The following KNTC1 variants were observed in gnomAD, a reference collection of about 807,000 sequenced individuals.
KNTC1 encodes kinetochore associated 1.
Under a neutral mutation model 314.4 loss-of-function variants are expected in KNTC1, and 253 were observed. That is an observed-to-expected ratio of 0.80 (90% CI 0.73 to 0.89). The LOEUF (loss-of-function observed/expected upper bound fraction) is 0.89, where lower values mean the gene tolerates loss of function less well. Among genes scored for constraint, KNTC1 ranks in the 40% least tolerant of loss-of-function variants. KNTC1 has a pLI of 0.00. For synonymous variants in KNTC1, 901 were observed against 901.4 expected, an observed-to-expected ratio of 1.00 and a Z score of 0.01; for missense variants, 2,475 against 2,572.9, an observed-to-expected ratio of 0.96 and a Z score of 0.82.
intron 45 of KNTC1, among the ~76,000 whole-genome samples, chr12:122,602,139 CTTA>C (rs1239646136): frequency 2.6e-5 from 4 of 151,408 alleles, no homozygotes; most frequent in Admixed American, 6.6e-5. Context: ...GTTAATAAGA[CTTA>C]TTATATAAGA....
chr12:122,602,138 A>C (rs962899400), intron 45 of KNTC1, among the ~76,000 whole-genome samples: 1 of 151,828 alleles, frequency 6.6e-6, no homozygotes, highest in Non-Finnish European at 1.5e-5. Flanking sequence ...TGTTAATAAG[A>C]CTTATTATAT....
rs1869582339 is a variant in KNTC1, at chr12:122,587,794, C to G, written c.3814C>G (p.Leu1272Val). Residue 1272 changes from leucine (L) to valine (V), a missense_variant, in exon 39 of 64, where the codon CTA becomes GTA. Coordinates refer to ENST00000333479, the MANE Select transcript of KNTC1 (RefSeq NM_014708.6). ...LQESSQWELA[L>V]RFVVGSFGTC... is the part of the protein sequence containing the mutation. ...GGAATCTAGCCAGTGGGAGCTAGCC[C>G]TAAGATTTGTGGTTGGTTCATTTGG... is the stretch of plus-strand genomic sequence containing the variant. 2 of 1,613,680 alleles carry G rather than the reference C, an allele frequency of 1.2e-6. No individual in the cohort carries two copies. The highest frequency in any genetic ancestry group is 1.7e-6 in the Non-Finnish European group (2 of 1,179,768).
At chr12:122,554,342 A>G (rs1593527352) in intron 16 of KNTC1, among the ~76,000 whole-genome samples, 2 of 152,030 alleles carry the variant, frequency 1.3e-5, no homozygotes, top group East Asian at 3.9e-4. Flanking sequence ...TCAGCCTCCC[A>G]AAGTGATGGG....
chr12:122,595,538 G>A (rs1870916309), intron 43 of KNTC1, among the ~76,000 whole-genome samples: 4 of 152,146 alleles, frequency 2.6e-5, no homozygotes, highest in Non-Finnish European at 5.9e-5. Flanking sequence ...CACTGGGCAG[G>A]CATCTAGTTC....
At chr12:122,607,382 G>A (rs1872677806) in intron 51 of KNTC1, among the ~76,000 whole-genome samples, 1 of 152,098 alleles carries the variant, frequency 6.6e-6, no homozygotes, top group African/African-American at 2.4e-5. Flanking sequence ...GTTTTAATCT[G>A]TAACAGTTCT....
intron 18 of KNTC1, among the ~76,000 whole-genome samples, chr12:122,560,974 C>T (rs548755001): frequency 8.5e-5 from 13 of 152,170 alleles, no homozygotes; most frequent in South Asian, 2.1e-4. Flanking sequence ...GTTTTGATAC[C>T]GTTTGTATAT....
rs560127261 is a variant in KNTC1 at position 122,596,518 on chromosome 12, A to AT, written c.4356-1205dup. ...AGGCGTGAATCACGTGCCCAGCCTG[A>AT]TTTTTTTTATCTTTAAAAAAAAAAA... On this transcript the variant is annotated intron_variant, in intron 43 of 63. Coordinates refer to ENST00000333479, the MANE Select transcript of KNTC1 (RefSeq NM_014708.6). Among the ~76,000 whole-genome samples, 9 of 149,626 alleles carry AT rather than the reference A, an allele frequency of 6.0e-5. No individual in the cohort carries two copies. In the East Asian group the frequency reaches 9.9e-4, roughly 16 times the overall value.
chr12:122,618,473 T>G lies in KNTC1; in HGVS notation c.6086-9T>G, dbSNP rs1185415774. The G allele has an allele frequency of 6.2e-7, 1 of 1,612,880 alleles. No homozygotes were observed. The highest frequency in any genetic ancestry group is 1.7e-5 in the Admixed American group (1 of 59,908). On this transcript the variant is annotated splice_polypyrimidine_tract_variant and intron_variant, in intron 58 of 63. Coordinates refer to ENST00000333479, the MANE Select transcript of KNTC1 (RefSeq NM_014708.6). Reference sequence around the variant, plus strand: ...GTATATCATGGTTGTTTTTTTGTTTTGTTTTCAGCCTCTTGTCCTTTAAGT... The same window carrying G: ...GTATATCATGGTTGTTTTTTTGTTTGGTTTTCAGCCTCTTGTCCTTTAAGT...
chr12:122,585,658 AT>A lies in KNTC1; in HGVS notation c.3558del (p.Pro1187HisfsTer26). 1 of 1,613,934 alleles carries A rather than the reference AT, an allele frequency of 6.2e-7. No homozygotes were observed. Among genetic ancestry groups the A allele is most frequent in the Non-Finnish European group, 8.5e-7 (1 of 1,179,832 alleles). Reference sequence around the variant, plus strand: ...TAGGCTTCTTTTGGGACACATAAAGATCCATATGAAGAGTGGTCTTACAGTG... The same window carrying A: ...TAGGCTTCTTTTGGGACACATAAAGACCATATGAAGAGTGGTCTTACAGTG... ...LMKASFGTHK[D>X]PYEEWSYSDF... is the part of the protein sequence containing the mutation. On this transcript the variant is annotated frameshift_variant, in exon 37 of 64. Coordinates refer to ENST00000333479, the MANE Select transcript of KNTC1 (RefSeq NM_014708.6). LOFTEE classifies it high-confidence loss of function.
chr12:122,576,064 A>AT (rs1790683658), intron 29 of KNTC1, among the ~76,000 whole-genome samples, 165 bp downstream of exon 29: 2 of 151,918 alleles, frequency 1.3e-5, no homozygotes, highest in South Asian at 4.2e-4. Flanking sequence ...TTATGAGAGT[A>AT]TTTATTCTTT....
At chr12:122,532,040 T>G (rs1214333899) in intron 2 of KNTC1, among the ~76,000 whole-genome samples, 2 of 142,176 alleles carry the variant, frequency 1.4e-5, no homozygotes, top group African/African-American at 5.2e-5. Flanking sequence ...GCCATTTGTT[T>G]TTTTTTTTTT....
chr12:122,542,130 A>G lies in KNTC1; in HGVS notation c.523+3A>G. ...TCAGCTTTTAAAAATTCAACAAGGT[A>G]AGTAATACATTATATTTTTATTATT... is the stretch of plus-strand genomic sequence containing the variant. On this transcript the variant is annotated splice_donor_region_variant and intron_variant, in intron 6 of 63. Coordinates refer to ENST00000333479, the MANE Select transcript of KNTC1 (RefSeq NM_014708.6). The G allele has an allele frequency of 1.4e-6, 2 of 1,448,844 alleles. No homozygotes were observed. Among genetic ancestry groups the G allele is most frequent in the Admixed American group, 2.1e-5 (1 of 48,512 alleles). The allele number at this position is 1,448,844 out of a possible 1,614,324, so 89.7% of individuals were successfully genotyped here.
chr12:122,530,006 AT>A lies in KNTC1; in HGVS notation c.-54del, dbSNP rs746527967. The A allele has an allele frequency of 5.7e-6, 9 of 1,584,050 alleles. No homozygotes were observed. Among genetic ancestry groups the A allele is most frequent in the Non-Finnish European group, 7.7e-6 (9 of 1,163,642 alleles). ...ATGCAACAAGATAATATGGTGTCTA[AT>A]TTTATGTTGTTCAGGAAAGACAGTG... On this transcript the variant is annotated 5_prime_UTR_variant, in exon 2 of 64. It removes the in-frame stop codon of an upstream open reading frame in the 5' UTR. Coordinates refer to ENST00000333479, the MANE Select transcript of KNTC1 (RefSeq NM_014708.6).
chr12:122,567,327 C>T (rs1400995586), intron 20 of KNTC1, among the ~76,000 whole-genome samples: 1 of 152,024 alleles, frequency 6.6e-6, no homozygotes, highest in Non-Finnish European at 1.5e-5. Context: ...ACCTCGGCCT[C>T]CCAAAGTGCT....
At chr12:122,574,682 C>T (rs1475834529) in intron 27 of KNTC1, among the ~76,000 whole-genome samples, 1 of 152,176 alleles carries the variant, frequency 6.6e-6, no homozygotes, top group Non-Finnish European at 1.5e-5. Flanking sequence ...CACCTGGGCT[C>T]AAGTGATCTG....
chr12:122,555,835 C>T (rs61956132), intron 16 of KNTC1, among the ~76,000 whole-genome samples: 34,115 of 151,834 alleles, frequency 0.22, 4,073 homozygotes, highest in East Asian at 0.46. Flanking sequence ...GGCGACAGAG[C>T]GAGACTCTGT....
In KNTC1 at chr12:122,597,767, CT is replaced by C; in HGVS notation, c.4394del (p.Phe1465SerfsTer41). The part of the protein sequence containing the change: ...QLDCDAVLQL[F>X]IETLLHNTNA... ...TGGACTGCGATGCAGTTCTTCAGCT[CT>C]TCATTGAAACGCTGCTCCACAACAC... On this transcript the variant is annotated frameshift_variant, in exon 44 of 64. Transcript: ENST00000333479. LOFTEE classifies it high-confidence loss of function. 6.2e-7 allele frequency: 1 copy of C among 1,613,950 alleles called. No individual in the cohort carries two copies. Among genetic ancestry groups the C allele is most frequent in the Non-Finnish European group, 8.5e-7 (1 of 1,179,846 alleles).
In KNTC1 at chr12:122,543,711, A is replaced by G. The variant is rs1463011147; in HGVS notation, c.558+77A>G. On this transcript the variant is annotated intron_variant, in intron 7 of 63. Coordinates refer to ENST00000333479, the MANE Select transcript of KNTC1 (RefSeq NM_014708.6). ...ATGTAGTAGAATGTTTCTGTATATAATTGGTCTACTTCTTGATATTTTAGA... is the reference window on the plus strand; with the variant it reads ...ATGTAGTAGAATGTTTCTGTATATAGTTGGTCTACTTCTTGATATTTTAGA... The G allele has an allele frequency of 4.9e-5, 41 of 829,042 alleles. No individual in the cohort carries two copies. The Admixed American group carries it at 1.1e-3, about 23-fold the overall frequency. The allele number at this position is 829,042 out of a possible 1,614,324, so 51.4% of individuals were successfully genotyped here. A position where few individuals can be genotyped will look rare whatever the true frequency, so the allele number is the denominator to read the frequency against.
chr12:122,572,966 T>G lies in KNTC1; in HGVS notation c.2049T>G (p.Cys683Trp). The G allele has an allele frequency of 6.3e-7, 1 of 1,598,880 alleles. No individual in the cohort carries two copies. The highest frequency in any genetic ancestry group is 1.1e-5 in the South Asian group (1 of 89,196). The change falls in exon 25 of 64, where the codon TGT becomes TGG. Residue 683 changes from cysteine (C) to tryptophan (W), a missense_variant. Physicochemically the swap from Cys to Trp is radical, Grantham distance 215. Transcript: ENST00000333479. ...LKDYQNTEEV[C>W]QLRTLVNNLR... ...ATTATCAGAACACAGAGGAAGTATG[T>G]CAGCTAAGGACTTTGGTAAATAACT... is the stretch of plus-strand genomic sequence containing the variant.
Sources: gnomAD v4.1 joint callset for allele counts (sites outside exome capture counted in the v4.1 genomes callset) on GRCh38, gnomAD v4.1.1 for gene constraint, MANE v1.5 for transcripts, NCBI Gene and HGNC (gene_info 2026-07-23, HGNC 2026-07-21) for gene names.